The following SCML4 variants were observed in gnomAD, a reference collection of about 807,000 sequenced individuals.
The protein encoded by SCML4 is sex comb on midleg-like protein 4.
SCML4 carries 34 observed loss-of-function variants against 41.1 expected under a neutral mutation model. That is an observed-to-expected ratio of 0.83 (90% confidence interval 0.63 to 1.10). SCML4 has a LOEUF of 1.10. Among genes scored for constraint, SCML4 ranks in the 50% least tolerant of loss-of-function variants. The probability of loss-of-function intolerance (pLI) is 0.00; values close to 1 mark genes in which losing one functional copy is unlikely to be tolerated. For missense variants in SCML4, 522 were observed against 534.1 expected (o/e 0.98, Z 0.22); for synonymous variants, 214 against 220.9 (o/e 0.97, Z 0.28).
intron 6 of SCML4, among the ~76,000 whole-genome samples, chr6:107,708,336 C>T (rs73762026): frequency 0.013 from 1,916 of 152,238 alleles, 49 homozygotes; most frequent in African/African-American, 0.044. Context: ...CAAGACTCTC[C>T]TGCTCAGTTC....
chr6:107,827,205 T>G (rs1785290957), upstream of SCML4, among the ~76,000 whole-genome samples: 1 of 147,440 alleles, frequency 6.8e-6, no homozygotes, highest in South Asian at 2.1e-4. Flanking sequence ...AATATGTAAA[T>G]ATATTTATTT....
In SCML4 at chr6:107,745,004, C is replaced by T. The variant is rs1395706430; in HGVS notation, c.627G>A (p.Arg209=). The T allele has an allele frequency of 1.2e-6, 2 of 1,613,910 alleles. No individual in the cohort carries two copies. Among genetic ancestry groups the T allele is most frequent in the Non-Finnish European group, 1.7e-6 (2 of 1,179,882 alleles). Reference sequence around the variant, plus strand: ...GGACTTTCTCAGAGGCACTGCAGCCCCTGGGGAAGGGCTGGTGGCTGAAGA... The same window carrying T: ...GGACTTTCTCAGAGGCACTGCAGCCTCTGGGGAAGGGCTGGTGGCTGAAGA... ...DDLFSHQPFP[R]GCSASEKVQE... The change falls in exon 5 of 8, where the codon AGG becomes AGA. Residue 209 remains arginine, a synonymous_variant. Transcript: ENST00000369020.
rs1198704459 is a variant in SCML4, at chr6:107,720,459, C to T, written c.973+244G>A. On this transcript the variant is annotated intron_variant, in intron 6 of 7. Coordinates refer to ENST00000369020, the MANE Select transcript of SCML4 (RefSeq NM_198081.5). ...TTTCTATGGTATTTGAGCCTGTGTA[C>T]ATTTTGGAGTCTACGTATCCTGTGG... The T allele has an allele frequency of 4.2e-6, 5 of 1,204,816 alleles. No homozygotes were observed. The East Asian group carries it at 1.5e-4, about 36-fold the overall frequency. The allele number at this position is 1,204,816 out of a possible 1,614,324, so 74.6% of individuals were successfully genotyped here.
At chr6:107,821,167 C>T (rs891247895) in intron 1 of SCML4, among the ~76,000 whole-genome samples, 1 of 152,030 alleles carries the variant, frequency 6.6e-6, no homozygotes, top group African/African-American at 2.4e-5. Flanking sequence ...TGTGGTGTGG[C>T]TTTTGTGACT....
chr6:107,810,356 G>T (rs978638859), intron 1 of SCML4, among the ~76,000 whole-genome samples: 1 of 152,196 alleles, frequency 6.6e-6, no homozygotes, highest in Non-Finnish European at 1.5e-5. Context: ...TCCTAGGCAG[G>T]TTTGTTTGCT....
At chr6:107,751,653 G>C (rs1246058507) in intron 2 of SCML4, among the ~76,000 whole-genome samples, 1 of 75,836 alleles carries the variant, frequency 1.3e-5, no homozygotes, top group Non-Finnish European at 2.8e-5. Flanking sequence ...TTTCTTTTTT[G>C]AGAGGGAGTT....
At chr6:107,799,641 C>T (rs9373982) in intron 1 of SCML4, among the ~76,000 whole-genome samples, 150,658 of 152,264 alleles carry the variant, frequency 0.99, 74,556 homozygotes, top group Middle Eastern at 1. Context: ...CTTTTCCTGC[C>T]TTCTTTTGAA....
chr6:107,799,443 G>T (rs1383138787), intron 1 of SCML4, among the ~76,000 whole-genome samples: 1 of 152,058 alleles, frequency 6.6e-6, no homozygotes, highest in East Asian at 1.9e-4. Flanking sequence ...TAAACTACCT[G>T]CAATTTTATA....
the SCML4 span, among the ~76,000 whole-genome samples, chr6:107,839,368 G>GGAAAGAAAGAAA: frequency 0.012 from 651 of 52,528 alleles, 5 homozygotes; most frequent in African/African-American, 0.042. Context: ...AAAGAAAGAA[G>GGAAAGAAAGAAA]GAAAGAAAGA....
At position 107,705,056 on chromosome 6, in the gene SCML4, A is replaced by G; in HGVS notation, c.*144T>C. ...TAAATTCTTCAAAAGGCAAAGATTCACAAGTTTTATAAAAAGACCACGTCT... is the reference window on the plus strand; with the variant it reads ...TAAATTCTTCAAAAGGCAAAGATTCGCAAGTTTTATAAAAAGACCACGTCT... On this transcript the variant is annotated 3_prime_UTR_variant, in exon 8 of 8. Coordinates refer to ENST00000369020, the MANE Select transcript of SCML4 (RefSeq NM_198081.5). 2.5e-6 allele frequency: 2 copies of G among 803,852 alleles called. No individual in the cohort carries two copies. The highest frequency in any genetic ancestry group is 3.2e-5 in the South Asian group (2 of 63,192). The allele number at this position is 803,852 out of a possible 1,614,324, so 49.8% of individuals were successfully genotyped here.
chr6:107,727,160 C>A (rs1375882527), intron 5 of SCML4, among the ~76,000 whole-genome samples: 2 of 152,012 alleles, frequency 1.3e-5, no homozygotes, highest in African/African-American at 4.8e-5. Flanking sequence ...CACAAGAGAC[C>A]ACATGTCAAA....
chr6:107,707,763 T>TAGGGCTTAGTTTAGAGCACCCCC (rs1773804367), intron 7 of SCML4, 103 bp downstream of exon 7: 4 of 1,455,586 alleles, frequency 2.7e-6, no homozygotes, highest in Non-Finnish European at 3.8e-6. Context: ...AGAGCACCCC[T>TAGGGCTTAGTTTAGAGCACCCCC]CCACCACCTC....
chr6:107,793,957 A>AAACTT (rs1246636071), intron 1 of SCML4, among the ~76,000 whole-genome samples: 1 of 152,212 alleles, frequency 6.6e-6, no homozygotes, highest in Non-Finnish European at 1.5e-5. Context: ...AAACTAAACT[A>AAACTT]AACTAAAAAA....
At chr6:107,825,203 G>A (rs1470812977), upstream of SCML4, among the ~76,000 whole-genome samples, 1 of 152,182 alleles carries the variant, frequency 6.6e-6, no homozygotes, top group Non-Finnish European at 1.5e-5. Context: ...TCCACTCTGG[G>A]ATATTGGCAT....
chr6:107,728,149 G>A (rs1776179177), intron 5 of SCML4, among the ~76,000 whole-genome samples: 1 of 152,214 alleles, frequency 6.6e-6, no homozygotes, highest in South Asian at 2.1e-4. Context: ...AACACTTTAA[G>A]TCTAAATTAA....
intron 1 of SCML4, among the ~76,000 whole-genome samples, chr6:107,775,574 C>T (rs1424524459): frequency 6.6e-6 from 1 of 152,060 alleles, no homozygotes; most frequent in Non-Finnish European, 1.5e-5. Context: ...TAGAAAGATT[C>T]CAATGAAGGA....
intron 5 of SCML4, among the ~76,000 whole-genome samples, chr6:107,738,908 C>A (rs374257457): frequency 1.3e-5 from 2 of 152,092 alleles, no homozygotes; most frequent in Admixed American, 1.3e-4. Context: ...CCACTAATGA[C>A]CCTAACAAGT....
chr6:107,781,618 C>T (rs1270099500), intron 1 of SCML4, among the ~76,000 whole-genome samples: 1 of 150,568 alleles, frequency 6.6e-6, no homozygotes, highest in Non-Finnish European at 1.5e-5. Flanking sequence ...TGCTGTAAGC[C>T]GTTATTGTGC....
Position 107,733,615 on chromosome 6 carries a change from G to A in SCML4, c.682+11334C>T, listed in dbSNP as rs115828566. Among the ~76,000 whole-genome samples the A allele has an allele frequency of 4.0e-3, 609 of 152,280 alleles. 1 individual carries two copies. The highest frequency in any genetic ancestry group is 0.011 in the African/African-American group (444 of 41,566). On this transcript the variant is annotated intron_variant, in intron 5 of 7. Coordinates refer to ENST00000369020, the MANE Select transcript of SCML4 (RefSeq NM_198081.5). Reference sequence around the variant, plus strand: ...TGCAGATAGCAGTACCTTAGGGTCCGCCACAGGGGCTCAGGGTTGTGGTCC... The same window carrying A: ...TGCAGATAGCAGTACCTTAGGGTCCACCACAGGGGCTCAGGGTTGTGGTCC...
Sources: gnomAD v4.1 joint callset for allele counts (sites outside exome capture counted in the v4.1 genomes callset) on GRCh38, gnomAD v4.1.1 for gene constraint, MANE v1.5 for transcripts, NCBI Gene and HGNC (gene_info 2026-07-23, HGNC 2026-07-21) for gene names.